The following ZNF248 variants were observed in gnomAD, a reference collection of about 807,000 sequenced individuals.
The protein encoded by ZNF248 is zinc finger protein 248, also known as KRAB protein domain.
ZNF248 carries 20 observed loss-of-function variants against 44.3 expected under a neutral mutation model. The ratio of observed to expected loss-of-function variants is 0.45; its 90% confidence interval spans 0.32 to 0.66. ZNF248 has a LOEUF of 0.66. Ranked by LOEUF, ZNF248 falls within the 30% of genes least tolerant of loss-of-function variation. The pLI, the probability that ZNF248 is intolerant of heterozygous loss-of-function variation, is 0.04. For missense variants in ZNF248, 654 were observed against 677.0 expected (o/e 0.97, Z 0.38); for synonymous variants, 224 against 229.0 (o/e 0.98, Z 0.20).
chr10:37,820,300 T>C, intron 6 of ZNF248: 1 of 1,392,780 alleles, frequency 7.2e-7, no homozygotes, highest in Non-Finnish European at 1.0e-6. Context: ...GATGAGGGAC[T>C]GTTTTGCTGA....
chr10:37,815,365 C>T (rs1227935377), intron 6 of ZNF248, among the ~76,000 whole-genome samples: 3 of 151,140 alleles, frequency 2.0e-5, no homozygotes, highest in Admixed American at 6.6e-5. Flanking sequence ...CGCTCAGCTT[C>T]AGTCTTTTTT....
chr10:37,780,527 A>G (rs1449025728), intron 6 of ZNF248, among the ~76,000 whole-genome samples: 1 of 152,220 alleles, frequency 6.6e-6, no homozygotes, highest in Non-Finnish European at 1.5e-5. Context: ...AAGATGGATT[A>G]AAGACTTAAA....
chr10:37,824,568 G>A (rs1290707003), downstream of ZNF248, among the ~76,000 whole-genome samples: 2 of 150,856 alleles, frequency 1.3e-5, no homozygotes, highest in African/African-American at 4.9e-5. Flanking sequence ...ACTTGATATG[G>A]AAATATAAAA....
At chr10:37,828,186 G>C (rs2054690921), downstream of ZNF248, among the ~76,000 whole-genome samples, 1 of 152,176 alleles carries the variant, frequency 6.6e-6, no homozygotes, top group South Asian at 2.1e-4. Context: ...TGGTTTACAT[G>C]CATGTGTTAG....
chr10:37,818,415 G>T (rs2052899732), intron 6 of ZNF248, among the ~76,000 whole-genome samples: 1 of 152,184 alleles, frequency 6.6e-6, no homozygotes, highest in Admixed American at 6.5e-5. Flanking sequence ...CCTGGCTGGA[G>T]CTGCCCATGG....
At chr10:37,828,372 C>CT (rs1184869282), downstream of ZNF248, among the ~76,000 whole-genome samples, 3 of 152,074 alleles carry the variant, frequency 2.0e-5, no homozygotes, top group Admixed American at 2.0e-4. Context: ...ATCTTCTTTT[C>CT]TTTTTTCATT....
At chr10:37,800,274 C>T (rs963333140) in intron 6 of ZNF248, among the ~76,000 whole-genome samples, 1 of 152,158 alleles carries the variant, frequency 6.6e-6, no homozygotes, top group Non-Finnish European at 1.5e-5. Flanking sequence ...CTCTTATCCT[C>T]TACCCTCAAA....
At chr10:37,764,042 G>A in the ZNF248 span, among the ~76,000 whole-genome samples, 4 of 152,188 alleles carry the variant, frequency 2.6e-5, no homozygotes, top group East Asian at 1.9e-4. Context: ...GATGTTCAGG[G>A]AACAAGGGAG....
At chr10:37,785,831 T>C (rs928725914) in intron 6 of ZNF248, among the ~76,000 whole-genome samples, 20 of 152,306 alleles carry the variant, frequency 1.3e-4, no homozygotes, top group African/African-American at 4.8e-4. Flanking sequence ...TGAAGATTGG[T>C]AAATAGATTG....
At chr10:37,810,252 C>A (rs1473766500) in intron 6 of ZNF248, among the ~76,000 whole-genome samples, 1 of 152,164 alleles carries the variant, frequency 6.6e-6, no homozygotes, top group Non-Finnish European at 1.5e-5. Flanking sequence ...TTGTTCTATC[C>A]ATTATTGGAA....
intron 6 of ZNF248, among the ~76,000 whole-genome samples, chr10:37,816,548 T>C (rs2052502477): frequency 6.6e-6 from 1 of 152,190 alleles, no homozygotes; most frequent in Non-Finnish European, 1.5e-5. Flanking sequence ...AAGGGGGGCC[T>C]ATTATTAGTT....
intron 3 of ZNF248, among the ~76,000 whole-genome samples, chr10:37,841,736 C>A (rs2058386049): frequency 6.6e-6 from 1 of 152,174 alleles, no homozygotes; most frequent in South Asian, 2.1e-4. Flanking sequence ...AGTGATAAAT[C>A]ATGCTCATAG....
chr10:37,775,208 T>C (rs1002305850), downstream of ZNF248, among the ~76,000 whole-genome samples: 4 of 151,606 alleles, frequency 2.6e-5, no homozygotes, highest in Non-Finnish European at 4.4e-5. Context: ...TATAATTATC[T>C]TGATATCTTT....
At position 37,838,122 on chromosome 10, in the gene ZNF248, A is replaced by G. The variant is rs768062003; in HGVS notation, c.16-11T>C. The G allele has an allele frequency of 1.5e-5, 24 of 1,606,340 alleles. No individual in the cohort carries two copies. The highest frequency in any genetic ancestry group is 2.0e-5 in the Non-Finnish European group (23 of 1,175,744). On this transcript the variant is annotated splice_polypyrimidine_tract_variant and intron_variant, in intron 3 of 5. Coordinates refer to ENST00000395867, the MANE Select transcript of ZNF248 (RefSeq NM_021045.3). ...GAATGACACTTGTTCCTGTAATAGT[A>G]TACTCTTTTTACATGAAATGGTCAG...
intron 6 of ZNF248, among the ~76,000 whole-genome samples, chr10:37,798,041 A>G (rs144680497): frequency 6.6e-6 from 1 of 152,148 alleles, no homozygotes; most frequent in African/African-American, 2.4e-5. Context: ...ATCTCATAAT[A>G]GCCAAAAGGT....
At chr10:37,808,099 T>C (rs973965031) in intron 6 of ZNF248, among the ~76,000 whole-genome samples, 9 of 152,232 alleles carry the variant, frequency 5.9e-5, no homozygotes, top group East Asian at 5.8e-4. Context: ...TCTTCATCAA[T>C]TGACATCATG....
intron 6 of ZNF248, among the ~76,000 whole-genome samples, chr10:37,789,926 T>C (rs1177296552): frequency 6.6e-6 from 1 of 152,156 alleles, no homozygotes; most frequent in Non-Finnish European, 1.5e-5. Context: ...AGGAAGTGGA[T>C]GAATGAACCA....
At chr10:37,805,113 C>T (rs1228060694) in intron 6 of ZNF248, among the ~76,000 whole-genome samples, 2 of 152,080 alleles carry the variant, frequency 1.3e-5, no homozygotes, top group Admixed American at 6.6e-5. Context: ...TCAAAGATGT[C>T]GGAGAGTGGT....
downstream of ZNF248, chr10:37,776,266 C>A: frequency 3.7e-6 from 1 of 268,442 alleles, no homozygotes; most frequent in East Asian, 6.3e-5. Context: ...CACAGCATAC[C>A]CCTTTCCACC....
Sources: allele counts gnomAD v4.1 joint callset (sites outside exome capture counted in the v4.1 genomes callset), GRCh38; gene constraint gnomAD v4.1.1; transcripts MANE v1.5; gene names NCBI Gene and HGNC (gene_info 2026-07-23, HGNC 2026-07-21).